The following TSPAN9 variants were observed in gnomAD, a reference collection of about 807,000 sequenced individuals.
TSPAN9 encodes the protein tetraspanin 9, also known as tetraspanin-9.
A neutral mutation model predicts 31.0 loss-of-function variants in TSPAN9; 16 were observed. That is an observed-to-expected ratio of 0.52 (90% CI 0.35 to 0.78). The LOEUF (loss-of-function observed/expected upper bound fraction) is 0.78, where lower values mean the gene tolerates loss of function less well. TSPAN9 is among the 30% of genes least tolerant of loss of function. The pLI is 0.01. For synonymous variants in TSPAN9, 145 were observed against 121.6 expected (o/e 1.19, Z -1.27); for missense variants, 272 against 312.5 (o/e 0.87, Z 0.98).
At chr12:3,090,583 G>C (rs75180557) in intron 2 of TSPAN9, among the ~76,000 whole-genome samples, 2,279 of 152,302 alleles carry the variant, frequency 0.015, 45 homozygotes, top group African/African-American at 0.051. Context: ...CCTCACACAC[G>C]CATTGTCTGT....
At chr12:3,120,883 C>A (rs1365449084) in intron 2 of TSPAN9, among the ~76,000 whole-genome samples, 1 of 152,232 alleles carries the variant, frequency 6.6e-6, no homozygotes, top group Non-Finnish European at 1.5e-5. Flanking sequence ...TAGACCAGCC[C>A]CCAGGAGGGA....
intron 2 of TSPAN9, among the ~76,000 whole-genome samples, chr12:3,142,789 G>T (rs1311311562): frequency 6.6e-6 from 1 of 152,144 alleles, no homozygotes; most frequent in Non-Finnish European, 1.5e-5. Context: ...ATAATCATAG[G>T]ACAACTGTCA....
At position 3,226,777 on chromosome 12, in the gene TSPAN9, TATATATATATATA is replaced by T. The variant is rs2098387915; in HGVS notation, c.63+25522_63+25534del. On this transcript the variant is annotated intron_variant, in intron 3 of 8. Transcript: ENST00000011898. ...ATATATATATATATATATATATATA[TATATATATATATA>T]TATATTTTTTTTTTTTTTTCCCTCT... is the stretch of plus-strand genomic sequence containing the variant. 2.8e-4 allele frequency among the ~76,000 whole-genome samples: 2 copies of T among 7,154 alleles called. 1 individual carries two copies. Among genetic ancestry groups the T allele is most frequent in the African/African-American group, 9.3e-4 (2 of 2,146 alleles). 4.7% of individuals were successfully genotyped at this position (7,154 alleles called of 152,430 possible).
chr12:3,203,263 G>A (rs2098373061), intron 3 of TSPAN9, among the ~76,000 whole-genome samples: 1 of 152,054 alleles, frequency 6.6e-6, no homozygotes, highest in African/African-American at 2.4e-5. Context: ...ACAGTGATCT[G>A]TACCCTGCAC....
intron 3 of TSPAN9, among the ~76,000 whole-genome samples, chr12:3,219,181 T>G (rs910421907): frequency 6.6e-6 from 1 of 152,160 alleles, no homozygotes; most frequent in Non-Finnish European, 1.5e-5. Context: ...CAGCCTTGGG[T>G]GTCAGTCACT....
chr12:3,200,809 G>T (rs896830071), intron 2 of TSPAN9: 1 of 215,916 alleles, frequency 4.6e-6, no homozygotes, highest in Non-Finnish European at 9.1e-6. Flanking sequence ...GAGAGGGGGC[G>T]TGCAAGGCTC....
At chr12:3,174,738 G>A (rs376366632) in intron 2 of TSPAN9, among the ~76,000 whole-genome samples, 9,254 of 138,220 alleles carry the variant, frequency 0.067, 418 homozygotes, top group African/African-American at 0.099. Flanking sequence ...GCCCACCACC[G>A]CGCCCGGCTA....
At chr12:3,131,895 C>T (rs2098329978) in intron 2 of TSPAN9, among the ~76,000 whole-genome samples, 1 of 152,184 alleles carries the variant, frequency 6.6e-6, no homozygotes, top group South Asian at 2.1e-4. Context: ...TTCTTCATCA[C>T]CCTGACTATG....
rs142731762 is a variant in TSPAN9 at position 3,246,567 on chromosome 12, C to T, written c.64-31854C>T. ...TTCCCACTTGAGAAGTTTGGGATTC[C>T]GAGCCCATTCCTCCCTCAGTGCCAG... On this transcript the variant is annotated intron_variant, in intron 3 of 8. Coordinates refer to ENST00000011898, the MANE Select transcript of TSPAN9 (RefSeq NM_006675.5). Among the ~76,000 whole-genome samples the T allele has an allele frequency of 7.4e-4, 112 of 152,284 alleles. 1 individual carries two copies. The highest frequency in any genetic ancestry group is 2.2e-3 in the African/African-American group (92 of 41,564).
At chr12:3,180,297 G>A (rs2098358009) in intron 2 of TSPAN9, among the ~76,000 whole-genome samples, 1 of 152,134 alleles carries the variant, frequency 6.6e-6, no homozygotes, top group African/African-American at 2.4e-5. Flanking sequence ...TGGGAAGGTT[G>A]CTTGAGTAAC....
At chr12:3,137,751 C>T (rs1477031021) in intron 2 of TSPAN9, among the ~76,000 whole-genome samples, 1 of 152,172 alleles carries the variant, frequency 6.6e-6, no homozygotes, top group East Asian at 1.9e-4. Context: ...TCTGTTACAT[C>T]AGCCTACAGC....
intron 3 of TSPAN9, among the ~76,000 whole-genome samples, chr12:3,218,125 G>A (rs1241038794): frequency 1.3e-5 from 2 of 152,138 alleles, no homozygotes; most frequent in Non-Finnish European, 1.5e-5. Flanking sequence ...GGGTGTGCAT[G>A]CCTGCGTCCT....
At chr12:3,196,443 C>T (rs1446990466) in intron 2 of TSPAN9, among the ~76,000 whole-genome samples, 1 of 152,156 alleles carries the variant, frequency 6.6e-6, no homozygotes, top group African/African-American at 2.4e-5. Flanking sequence ...AGGGCAGAAA[C>T]TTGTAGAGTC....
intron 3 of TSPAN9, among the ~76,000 whole-genome samples, chr12:3,251,477 G>GTTCTTTTTTCAAA (rs1862243367): frequency 5.4e-5 from 8 of 146,864 alleles, no homozygotes; most frequent in African/African-American, 2.2e-4. Context: ...TTCAAAAGTT[G>GTTCTTTTTTCAAA]ATTTCTGATT....
intron 2 of TSPAN9, among the ~76,000 whole-genome samples, chr12:3,090,556 A>G (rs998509586): frequency 6.6e-6 from 1 of 152,230 alleles, no homozygotes; most frequent in Non-Finnish European, 1.5e-5. Flanking sequence ...AGACCTCTTA[A>G]TATCTAGGCC....
intron 3 of TSPAN9, among the ~76,000 whole-genome samples, chr12:3,226,379 T>G (rs1182450575): frequency 1.3e-5 from 2 of 151,928 alleles, no homozygotes; most frequent in Non-Finnish European, 2.9e-5. Flanking sequence ...TCTTGAAAGG[T>G]CAGATTCACA....
rs1420925335 is a variant in TSPAN9, at chr12:3,107,157, A to T, written c.-18+23438A>T. On this transcript the variant is annotated intron_variant, in intron 2 of 8. Transcript: ENST00000011898. The surrounding 1 kb of genome is among the most constrained non-coding windows in gnomAD (Gnocchi z 4.1). ...ATCACGGGGCTGTGGAAATCCAATTAGACTTGAGCCGCCGGCGGCCCCCTC... is the reference window on the plus strand; with the variant it reads ...ATCACGGGGCTGTGGAAATCCAATTTGACTTGAGCCGCCGGCGGCCCCCTC... Among the ~76,000 whole-genome samples, 3 of 152,024 alleles carry T rather than the reference A, an allele frequency of 2.0e-5. No homozygotes were observed. In the East Asian group the frequency reaches 5.8e-4, roughly 29 times the overall value.
At position 3,281,313 on chromosome 12, in the gene TSPAN9, C is replaced by T. The variant is rs1444588588; in HGVS notation, c.548C>T (p.Thr183Met). Residue 183 changes from threonine to methionine, a missense_variant, in exon 7 of 9, where the codon ACG (threonine) becomes ATG (methionine). Physicochemically the swap from Thr to Met is moderately conservative, Grantham distance 81 (BLOSUM62 -1). Transcript: ENST00000011898. ...NSQGCGRNAT[T>M]PLWRTGCYEK... ...CAGGGCTGCGGGCGCAACGCCACCA[C>T]GCCTTTGTGGAGAACGGTGAGGCTG... 34 of 1,550,564 alleles carry T rather than the reference C, an allele frequency of 2.2e-5. No homozygotes were observed. The highest frequency in any genetic ancestry group is 4.9e-5 in the East Asian group (2 of 40,884).
intron 3 of TSPAN9, among the ~76,000 whole-genome samples, chr12:3,213,332 C>T (rs1031391810): frequency 6.6e-6 from 1 of 152,188 alleles, no homozygotes; most frequent in African/African-American, 2.4e-5. Context: ...CTGCCCCCTG[C>T]CCTCTCAAGG....
Sources: allele counts gnomAD v4.1 joint callset (sites outside exome capture counted in the v4.1 genomes callset), GRCh38; gene constraint gnomAD v4.1.1; non-coding constraint Gnocchi (gnomAD v3.1); transcripts MANE v1.5; gene names NCBI Gene and HGNC (gene_info 2026-07-23, HGNC 2026-07-21).